CHST8: variants seen among roughly 807,000 people sequenced by gnomAD.
CHST8 encodes GALNAC-4-ST1.
In CHST8, 10 loss-of-function variants were observed where a neutral mutation model predicts 15.0. That is an observed-to-expected ratio of 0.67 (90% confidence interval 0.41 to 1.13). The LOEUF (loss-of-function observed/expected upper bound fraction) is 1.13, where lower values mean the gene tolerates loss of function less well. Ranked by LOEUF, CHST8 falls within the 50% of genes most tolerant of loss-of-function variation. The pLI, the probability that CHST8 is intolerant of heterozygous loss-of-function variation, is 0.00. For synonymous variants in CHST8, 259 were observed against 256.6 expected, an observed-to-expected ratio of 1.01 and a Z score of -0.09; for missense variants, 634 against 608.2, an observed-to-expected ratio of 1.04 and a Z score of -0.45.
chr19:33,633,966 T>TTTTTG (rs899643273), intron 1 of CHST8, among the ~76,000 whole-genome samples: 7 of 151,974 alleles, frequency 4.6e-5, no homozygotes, highest in Non-Finnish European at 7.4e-5. Context: ...CACTCCCAGC[T>TTTTTG]TTTTGTTTTG....
chr19:33,692,163 T>G (rs1053855174), intron 3 of CHST8, among the ~76,000 whole-genome samples: 2 of 151,758 alleles, frequency 1.3e-5, no homozygotes, highest in Non-Finnish European at 2.9e-5. Flanking sequence ...TTTTTTTTAC[T>G]ACAGTCCAAA....
Position 33,773,087 on chromosome 19 carries a change from C to T in CHST8, c.*24C>T, listed in dbSNP as rs1490880490. The T allele has an allele frequency of 2.6e-6, 4 of 1,560,082 alleles. No homozygotes were observed. The highest frequency in any genetic ancestry group is 1.8e-4 in the Middle Eastern group (1 of 5,610). ...GAGGGGCGCCGCAGCTGGCCGGGGC[C>T]GCCCTGCCCCGGTCACTCACCTGTG... On this transcript the variant is annotated 3_prime_UTR_variant, in exon 5 of 5. Coordinates refer to ENST00000650847, the MANE Select transcript of CHST8 (RefSeq NM_001127895.2).
intron 3 of CHST8, among the ~76,000 whole-genome samples, chr19:33,718,185 G>T (rs984665338): frequency 2.0e-5 from 3 of 152,126 alleles, no homozygotes; most frequent in African/African-American, 4.8e-5. Context: ...TGCAGTAGGG[G>T]ATAGTTGCCT....
intron 3 of CHST8, among the ~76,000 whole-genome samples, chr19:33,696,354 A>C (rs1256557389): frequency 1.6e-4 from 24 of 151,960 alleles, no homozygotes. Flanking sequence ...CCCAGGCCGC[A>C]CAGTAAGAGG....
chr19:33,690,941 G>A (rs924248465), intron 3 of CHST8, among the ~76,000 whole-genome samples: 3 of 152,198 alleles, frequency 2.0e-5, no homozygotes, highest in Admixed American at 6.5e-5. Flanking sequence ...GTGGTTGGGG[G>A]TGCATGTAGG....
At chr19:33,663,180 C>A (rs921826064) in intron 1 of CHST8, among the ~76,000 whole-genome samples, 2 of 152,190 alleles carry the variant, frequency 1.3e-5, no homozygotes. Flanking sequence ...AAGGATCCTT[C>A]TTCCTGGGAA....
At chr19:33,683,165 C>T (rs1409120404) in intron 2 of CHST8, among the ~76,000 whole-genome samples, 2 of 152,198 alleles carry the variant, frequency 1.3e-5, no homozygotes, top group African/African-American at 4.8e-5. Context: ...TCCCCTCCAA[C>T]CAGACCCCAC....
chr19:33,737,902 T>A (rs1008577861), intron 3 of CHST8, among the ~76,000 whole-genome samples: 1 of 152,144 alleles, frequency 6.6e-6, no homozygotes, highest in Non-Finnish European at 1.5e-5. Context: ...ACTAGAGAAT[T>A]TTCTCCTGTC....
intron 3 of CHST8, among the ~76,000 whole-genome samples, chr19:33,695,821 CTTTTTTTT>C (rs55695414): frequency 1.3e-5 from 1 of 76,232 alleles, no homozygotes; most frequent in African/African-American, 6.2e-5. Context: ...TTCTTTCTTT[CTTTTTTTT>C]TTTTTTTTTT....
chr19:33,657,492 G>A (rs921497364), intron 1 of CHST8, among the ~76,000 whole-genome samples: 6 of 150,400 alleles, frequency 4.0e-5, no homozygotes, highest in African/African-American at 1.5e-4. Context: ...GGCTGGTCTC[G>A]AACTCCTGAC....
rs62103461 is a variant in CHST8 at position 33,666,755 on chromosome 19, T to A, written c.-163-1012T>A. Among the ~76,000 whole-genome samples the A allele has an allele frequency of 6.0e-3, 921 of 152,260 alleles. 2 individuals are homozygous for A. The highest frequency in any genetic ancestry group is 0.02 in the Middle Eastern group (6 of 294). ...TCTTGCTCTGTCACCCAGGCTGGAG[T>A]GCAGTGGTGTGATCTTGGCTCACTG... On this transcript the variant is annotated intron_variant, in intron 1 of 4. Coordinates refer to ENST00000650847, the MANE Select transcript of CHST8 (RefSeq NM_001127895.2).
rs1974996864 is a variant in CHST8 at position 33,772,055 on chromosome 19, G to A, written c.267G>A (p.Leu89=). ...LSSGAPRGRN[L]PAPDQPQPPL... is the part of the protein sequence containing the mutation. Reference sequence around the variant, plus strand: ...GTGGGGCCCCGAGGGGCCGCAACCTGCCAGCGCCTGACCAGCCTCAACCCC... The same window carrying A: ...GTGGGGCCCCGAGGGGCCGCAACCTACCAGCGCCTGACCAGCCTCAACCCC... The change falls in exon 5 of 5, where the codon CTG becomes CTA. Residue 89 remains leucine, a synonymous_variant. Coordinates refer to ENST00000650847, the MANE Select transcript of CHST8 (RefSeq NM_001127895.2). 3 of 1,612,382 alleles carry A rather than the reference G, an allele frequency of 1.9e-6. No homozygotes were observed. Among genetic ancestry groups the A allele is most frequent in the Non-Finnish European group, 2.5e-6 (3 of 1,179,780 alleles).
At chr19:33,653,568 A>G (rs1972474976) in intron 1 of CHST8, among the ~76,000 whole-genome samples, 1 of 152,180 alleles carries the variant, frequency 6.6e-6, no homozygotes, top group Admixed American at 6.5e-5. Flanking sequence ...CCTGTTCTCA[A>G]TATTAGCCTT....
intron 3 of CHST8, among the ~76,000 whole-genome samples, chr19:33,689,601 A>G (rs1973058672): frequency 1.3e-5 from 2 of 152,240 alleles, no homozygotes; most frequent in African/African-American, 4.8e-5. Context: ...GCCAGTGCCT[A>G]GCAGCAGGGT....
At chr19:33,724,427 A>T (rs933068003) in intron 3 of CHST8, among the ~76,000 whole-genome samples, 2 of 152,172 alleles carry the variant, frequency 1.3e-5, no homozygotes, top group Non-Finnish European at 2.9e-5. Flanking sequence ...CCCGGCCCCC[A>T]TCCGGGCTCA....
chr19:33,678,152 G>A (rs1972834682), intron 2 of CHST8, among the ~76,000 whole-genome samples: 1 of 152,114 alleles, frequency 6.6e-6, no homozygotes, highest in African/African-American at 2.4e-5. Context: ...GAAAAAGAAG[G>A]GCACCAAGGG....
intron 3 of CHST8, among the ~76,000 whole-genome samples, chr19:33,770,460 G>A (rs1974953689): frequency 6.6e-6 from 1 of 152,204 alleles, no homozygotes; most frequent in African/African-American, 2.4e-5. Flanking sequence ...GGCCAGGTAG[G>A]GACTGGGGAA....
At chr19:33,684,895 A>C (rs973661636) in intron 2 of CHST8, 1 of 152,284 alleles carries the variant, frequency 6.6e-6, no homozygotes, top group South Asian at 2.1e-4. Flanking sequence ...TCAAGTTGCC[A>C]TAGCAGCCTC....
At chr19:33,711,258 C>T (rs1161837644) in intron 3 of CHST8, among the ~76,000 whole-genome samples, 1 of 152,186 alleles carries the variant, frequency 6.6e-6, no homozygotes, top group Non-Finnish European at 1.5e-5. Context: ...TCACTCAGCT[C>T]TTTCAGAAGC....
Sources: allele counts gnomAD v4.1 joint callset (sites outside exome capture counted in the v4.1 genomes callset), GRCh38; gene constraint gnomAD v4.1.1; transcripts MANE v1.5; gene names NCBI Gene and HGNC (gene_info 2026-07-23, HGNC 2026-07-21).